The following CSMD2 variants were observed in gnomAD, a reference collection of about 807,000 sequenced individuals.
CSMD2 encodes CUB and Sushi multiple domains 2.
Under a neutral mutation model 398.5 loss-of-function variants are expected in CSMD2, and 130 were observed. The ratio of observed to expected loss-of-function variants is 0.33; its 90% CI spans 0.28 to 0.38. CSMD2 has a LOEUF of 0.38. Ranked by LOEUF, CSMD2 falls within the 10% of genes least tolerant of loss-of-function variation. The probability of loss-of-function intolerance (pLI) is 1.00; values close to 1 mark genes in which losing one functional copy is unlikely to be tolerated. For missense variants in CSMD2, 3,829 were observed against 4,764.9 expected (o/e 0.80, Z 5.78); for synonymous variants, 1,828 against 1,908.5 (o/e 0.96, Z 1.10).
intron 40 of CSMD2, 143 bp downstream of exon 40, chr1:33,614,361 A>G: frequency 1.5e-6 from 1 of 645,862 alleles, no homozygotes; most frequent in Non-Finnish European, 2.9e-6. Context: ...ATTGTACAAG[A>G]GGTCAACAGA....
intron 1 of CSMD2, among the ~76,000 whole-genome samples, chr1:34,162,900 G>A (rs1219518523): frequency 1.3e-5 from 2 of 152,122 alleles, no homozygotes; most frequent in Non-Finnish European, 2.9e-5. Context: ...GAAAAGAAAT[G>A]TACTGGAAGC....
chr1:33,683,440 T>C (rs1464011179), intron 25 of CSMD2, among the ~76,000 whole-genome samples: 2 of 152,190 alleles, frequency 1.3e-5, no homozygotes, highest in Non-Finnish European at 2.9e-5. Context: ...GCTTATTTCT[T>C]TACTTATTTT....
intron 44 of CSMD2, among the ~76,000 whole-genome samples, chr1:33,592,966 T>G (rs1404924018): frequency 6.6e-6 from 1 of 151,072 alleles, no homozygotes; most frequent in Non-Finnish European, 1.5e-5. Context: ...AAAAAAAAAT[T>G]ATCATGACAT....
At chr1:33,617,687 G>T in intron 37 of CSMD2, 70 bp from the exon 38 acceptor site, 1 of 1,165,968 alleles carries the variant, frequency 8.6e-7, no homozygotes, top group Non-Finnish European at 1.3e-6. Context: ...GGTAGGCTGG[G>T]GTGAGATGCT....
chr1:33,910,530 T>C (rs1487660527), intron 5 of CSMD2, among the ~76,000 whole-genome samples: 1 of 152,194 alleles, frequency 6.6e-6, no homozygotes, highest in African/African-American at 2.4e-5. Flanking sequence ...AGCCTGAGTT[T>C]TGGGGAGGGC....
At chr1:33,735,421 C>T (rs1205783730) in intron 15 of CSMD2, among the ~76,000 whole-genome samples, 1 of 152,022 alleles carries the variant, frequency 6.6e-6, no homozygotes, top group Non-Finnish European at 1.5e-5. Context: ...CAGGCAGGTA[C>T]GCCGGTGTAG....
intron 3 of CSMD2, among the ~76,000 whole-genome samples, chr1:33,944,208 A>C (rs1644768888): frequency 6.6e-6 from 1 of 151,918 alleles, no homozygotes; most frequent in East Asian, 1.9e-4. Context: ...TATGTGAGGC[A>C]TATGATTCAT....
Position 34,165,149 on chromosome 1 carries a change from G to A in CSMD2, c.-52C>T. 8.3e-7 allele frequency: 1 copy of A among 1,204,282 alleles called. No homozygotes were observed. Among genetic ancestry groups the A allele is most frequent in the Non-Finnish European group, 1.0e-6 (1 of 970,080 alleles). The allele number at this position is 1,204,282 out of a possible 1,614,324, so 74.6% of individuals were successfully genotyped here. A position where few individuals can be genotyped will look rare whatever the true frequency, so the allele number is the denominator to read the frequency against. On this transcript the variant is annotated 5_prime_UTR_variant, in exon 1 of 71. Transcript: ENST00000373381. ...GGCTCCGCTCGCCGCCGAGGAGAAAGGAGGTCAGGAGAGCTCTGGAGCTTT... is the reference window on the plus strand; with the variant it reads ...GGCTCCGCTCGCCGCCGAGGAGAAAAGAGGTCAGGAGAGCTCTGGAGCTTT...
At chr1:34,021,481 A>G (rs1383183086) in intron 3 of CSMD2, among the ~76,000 whole-genome samples, 1 of 152,128 alleles carries the variant, frequency 6.6e-6, no homozygotes, top group Non-Finnish European at 1.5e-5. Flanking sequence ...GTACCAAGGG[A>G]TCCATCCTGG....
Position 33,615,464 on chromosome 1 carries a change from C to T in CSMD2, c.6017-844G>A, listed in dbSNP as rs538839234. On this transcript the variant is annotated intron_variant, in intron 39 of 70. Coordinates refer to ENST00000373381, the MANE Select transcript of CSMD2 (RefSeq NM_001281956.2). ...ACAGCTTGGCAAACAGACCCGAAAA[C>T]AGTGCAGAGTAGGCTCCAGCCTCGA... Among the ~76,000 whole-genome samples, 62 of 152,312 alleles carry T rather than the reference C, an allele frequency of 4.1e-4. No individual in the cohort carries two copies. The South Asian group carries it at 4.2e-3, about 10-fold the overall frequency.
At chr1:33,840,456 G>T (rs997922727) in intron 6 of CSMD2, among the ~76,000 whole-genome samples, 1 of 152,080 alleles carries the variant, frequency 6.6e-6, no homozygotes, top group East Asian at 1.9e-4. Flanking sequence ...ACTTCCTTCA[G>T]ACCTCTGTTG....
At chr1:33,743,182 C>T in intron 14 of CSMD2, 98 bp downstream of exon 14, 1 of 1,013,564 alleles carries the variant, frequency 9.9e-7, no homozygotes, top group Admixed American at 2.7e-5. Context: ...GGAACTGCCC[C>T]ATCCACACCT....
intron 16 of CSMD2, 148 bp downstream of exon 16, chr1:33,726,399 C>A: frequency 2.2e-6 from 2 of 920,376 alleles, no homozygotes; most frequent in Non-Finnish European, 3.1e-6. Context: ...GAGGTCTGCC[C>A]CACCCAGGGC....
At chr1:33,830,643 G>A (rs1055411343) in intron 6 of CSMD2, among the ~76,000 whole-genome samples, 3 of 152,122 alleles carry the variant, frequency 2.0e-5, no homozygotes, top group Non-Finnish European at 2.9e-5. Flanking sequence ...CACCAGCAAC[G>A]GAACAAAGCT....
intron 25 of CSMD2, among the ~76,000 whole-genome samples, chr1:33,687,616 C>T (rs1571225358): frequency 6.6e-6 from 1 of 152,140 alleles, no homozygotes; most frequent in East Asian, 1.9e-4. Context: ...AAGCATAATA[C>T]ATTTTATGTA....
intron 14 of CSMD2, among the ~76,000 whole-genome samples, chr1:33,742,498 T>C (rs1227020238): frequency 6.6e-6 from 1 of 151,930 alleles, no homozygotes; most frequent in African/African-American, 2.4e-5. Context: ...CCAAGTCCAC[T>C]GGATTTATAG....
At chr1:33,958,426 C>A (rs72665735) in intron 3 of CSMD2, among the ~76,000 whole-genome samples, 2 of 152,134 alleles carry the variant, frequency 1.3e-5, no homozygotes, top group African/African-American at 4.8e-5. Context: ...GAATAGGACC[C>A]GTAGAGATGA....
At position 33,515,782 on chromosome 1, in the gene CSMD2, CTCTT is replaced by C. The variant is rs1283521252; in HGVS notation, c.*838_*841del. The C allele has an allele frequency of 1.3e-5, 2 of 152,236 alleles. No homozygotes were observed. The highest frequency in any genetic ancestry group is 2.4e-5 in the African/African-American group (1 of 41,426). 9.4% of individuals were successfully genotyped at this position (152,236 alleles called of 1,614,324 possible). A position where few individuals can be genotyped will look rare whatever the true frequency, so the allele number is the denominator to read the frequency against. On this transcript the variant is annotated 3_prime_UTR_variant, in exon 71 of 71. Coordinates refer to ENST00000373381, the MANE Select transcript of CSMD2 (RefSeq NM_001281956.2). ...CTGGGCCACAGACTTGTCTTCTCTT[CTCTT>C]TGTCAGTTGACAGCCAGACTTGACC...
At chr1:33,826,883 C>A (rs1287698433) in intron 6 of CSMD2, among the ~76,000 whole-genome samples, 1 of 152,204 alleles carries the variant, frequency 6.6e-6, no homozygotes, top group Non-Finnish European at 1.5e-5. Context: ...GCTGACTTAG[C>A]CCTGCTCAGA....
Sources: allele counts gnomAD v4.1 joint callset (sites outside exome capture counted in the v4.1 genomes callset), GRCh38; gene constraint gnomAD v4.1.1; transcripts MANE v1.5; gene names NCBI Gene and HGNC (gene_info 2026-07-23, HGNC 2026-07-21).